Variants in MGAT5 observed in about 807,000 individuals in gnomAD.
The protein encoded by MGAT5 is alpha-1,6-mannosylglycoprotein 6-beta-N-acetylglucosaminyltransferase A.
A neutral mutation model predicts 94.3 loss-of-function variants in MGAT5; 30 were observed. That is an observed-to-expected ratio of 0.32 (90% CI 0.24 to 0.43). The LOEUF (loss-of-function observed/expected upper bound fraction) is 0.43. Ranked by LOEUF, MGAT5 falls within the 20% of genes least tolerant of loss-of-function variation. The pLI, the probability that MGAT5 is intolerant of heterozygous loss-of-function variation, is 1.00. For synonymous variants in MGAT5, 310 were observed against 322.9 expected, an observed-to-expected ratio of 0.96 and a Z score of 0.43; for missense variants, 691 against 905.5, an observed-to-expected ratio of 0.76 and a Z score of 3.04.
chr2:134,409,918 C>T (rs1427394193), intron 11 of MGAT5, among the ~76,000 whole-genome samples: 3 of 152,216 alleles, frequency 2.0e-5, no homozygotes, highest in Non-Finnish European at 2.9e-5. Context: ...CTAGATCCCA[C>T]AATCCCTCTG....
chr2:134,284,759 A>G (rs1684904333), intron 2 of MGAT5, among the ~76,000 whole-genome samples: 1 of 152,194 alleles, frequency 6.6e-6, no homozygotes, highest in South Asian at 2.1e-4. Flanking sequence ...TGGCAGTCTG[A>G]GCCAGGGTTC....
At position 134,448,836 on chromosome 2, in the gene MGAT5, G is replaced by A; in HGVS notation, c.2215G>A (p.Asp739Asn). The change falls in exon 16 of 16, where the codon GAC becomes AAC. Residue 739 changes from aspartate to asparagine, a missense_variant. Around this residue, in one of 4 missense-constraint regions of MGAT5, gnomAD observed 260 missense variants for 347.0 expected, o/e 0.75. Transcript: ENST00000281923. ...FIKGQVALCKDCL is the reference protein window; with the variant it reads ...FIKGQVALCKNCL ...CAAGGGCCAGGTGGCTCTCTGCAAAGACTGCCTATAGCAGCTACCTGCTCA... is the reference window on the plus strand; with the variant it reads ...CAAGGGCCAGGTGGCTCTCTGCAAAAACTGCCTATAGCAGCTACCTGCTCA... 1 of 1,613,322 alleles carries A rather than the reference G, an allele frequency of 6.2e-7. No individual in the cohort carries two copies. Among genetic ancestry groups the A allele is most frequent in the Non-Finnish European group, 8.5e-7 (1 of 1,179,946 alleles).
At chr2:134,293,975 C>T (rs1455102235) in intron 2 of MGAT5, among the ~76,000 whole-genome samples, 5 of 152,066 alleles carry the variant, frequency 3.3e-5, no homozygotes, top group Non-Finnish European at 5.9e-5. Context: ...GGTAACTTGC[C>T]CCCTTTGTTC....
chr2:134,305,986 A>C (rs1388806504), intron 2 of MGAT5, among the ~76,000 whole-genome samples: 1 of 152,178 alleles, frequency 6.6e-6, no homozygotes, highest in Non-Finnish European at 1.5e-5. Context: ...TTGTCTCAGT[A>C]TGTTAGCATT....
chr2:134,363,751 A>G (rs913317141), intron 10 of MGAT5, among the ~76,000 whole-genome samples: 1 of 152,234 alleles, frequency 6.6e-6, no homozygotes, highest in Admixed American at 6.5e-5. Flanking sequence ...TTGTTGCCTC[A>G]AGTAAAATGA....
At chr2:134,392,561 A>G (rs1553459888) in intron 10 of MGAT5, among the ~76,000 whole-genome samples, 1 of 152,186 alleles carries the variant, frequency 6.6e-6, no homozygotes, top group Non-Finnish European at 1.5e-5. Context: ...AGGGGAAGGA[A>G]GGAGCCCAAG....
chr2:134,147,009 T>A (rs1246780213), intron 1 of MGAT5, among the ~76,000 whole-genome samples: 2 of 152,202 alleles, frequency 1.3e-5, no homozygotes, highest in Admixed American at 6.5e-5. Flanking sequence ...AATATTTTAT[T>A]GTTTAGTTAA....
intron 1 of MGAT5, among the ~76,000 whole-genome samples, chr2:134,177,286 C>T (rs11884817): frequency 0.24 from 36,173 of 151,878 alleles, 5,956 homozygotes; most frequent in African/African-American, 0.45. Context: ...CTGTAGCAAC[C>T]CAGGCTTTAG....
chr2:134,441,803 C>T lies in MGAT5; in HGVS notation c.1915C>T (p.Gln639Ter), dbSNP rs1430570335. The T allele has an allele frequency of 6.2e-7, 1 of 1,613,978 alleles. No individual in the cohort carries two copies. Among genetic ancestry groups the T allele is most frequent in the Non-Finnish European group, 8.5e-7 (1 of 1,180,002 alleles). The change falls in exon 15 of 16, where the codon CAG becomes TAG. Residue 639 changes from glutamine (Q) to a stop codon, truncating the protein, a stop_gained. Coordinates refer to ENST00000281923, the MANE Select transcript of MGAT5 (RefSeq NM_002410.5). LOFTEE classifies it high-confidence loss of function. ...QVMWPPLSAL[Q>*]VKLAEPGQSC... ...GATGTGGCCACCCCTCAGCGCCCTA[C>T]AGGTCAAGCTTGCTGAGCCCGGGCA...
At chr2:134,232,547 A>G (rs1681423062) in intron 1 of MGAT5, among the ~76,000 whole-genome samples, 1 of 152,210 alleles carries the variant, frequency 6.6e-6, no homozygotes, top group African/African-American at 2.4e-5. Context: ...ATTTTGAAAT[A>G]ATTTCACAGG....
chr2:134,372,246 C>T (rs1680855404), intron 10 of MGAT5, among the ~76,000 whole-genome samples: 1 of 152,216 alleles, frequency 6.6e-6, no homozygotes, highest in South Asian at 2.1e-4. Context: ...CTTTGTTTTA[C>T]CTCGGTTGCA....
rs144573025 is a variant in MGAT5 at position 134,304,744 on chromosome 2, G to A, written c.407-12785G>A. 8.3e-4 allele frequency among the ~76,000 whole-genome samples: 127 copies of A among 152,238 alleles called. 6 individuals are homozygous for A. In the Middle Eastern group the frequency reaches 0.099, roughly 118 times the overall value. On this transcript the variant is annotated intron_variant, in intron 2 of 15. Transcript: ENST00000281923. ...TTCTAAGGAATTAAGTTGTAAGATA[G>A]CCTGATTTTTTGTTTTTTAACATGT... is the stretch of plus-strand genomic sequence containing the variant.
At chr2:134,207,624 G>C (rs1168523945) in intron 1 of MGAT5, among the ~76,000 whole-genome samples, 1 of 151,874 alleles carries the variant, frequency 6.6e-6, no homozygotes, top group Non-Finnish European at 1.5e-5. Flanking sequence ...GATACTGATC[G>C]TTTACTTCTG....
At chr2:134,202,843 C>CA (rs556100478) in intron 1 of MGAT5, among the ~76,000 whole-genome samples, 56 of 152,120 alleles carry the variant, frequency 3.7e-4, no homozygotes, top group South Asian at 2.7e-3. Context: ...AATTCTCCCC[C>CA]AAAAAATCAA....
chr2:134,282,018 T>C (rs1170838324), intron 2 of MGAT5, among the ~76,000 whole-genome samples: 1 of 152,228 alleles, frequency 6.6e-6, no homozygotes, highest in East Asian at 1.9e-4. Flanking sequence ...TCATCAGTGG[T>C]TCACAGAATC....
At chr2:134,267,595 T>C (rs1442496945) in intron 1 of MGAT5, among the ~76,000 whole-genome samples, 1 of 152,218 alleles carries the variant, frequency 6.6e-6, no homozygotes, top group Non-Finnish European at 1.5e-5. Flanking sequence ...TATTTACTGG[T>C]CACTGTAATT....
chr2:134,342,620 C>G (rs1292313158), intron 7 of MGAT5, among the ~76,000 whole-genome samples: 1 of 151,754 alleles, frequency 6.6e-6, no homozygotes, highest in African/African-American at 2.4e-5. Flanking sequence ...GGTGTGGTGG[C>G]CCATGCCTGT....
At chr2:134,149,327 A>T (rs17711730) in intron 1 of MGAT5, among the ~76,000 whole-genome samples, 27,849 of 152,090 alleles carry the variant, frequency 0.18, 2,620 homozygotes, top group South Asian at 0.23. Context: ...ATTATCCTCC[A>T]TGTGGATTCT....
intron 1 of MGAT5, among the ~76,000 whole-genome samples, chr2:134,239,812 G>A (rs1412183657): frequency 6.6e-6 from 1 of 151,904 alleles, no homozygotes; most frequent in African/African-American, 2.4e-5. Context: ...AATACAAGAA[G>A]ATAAAAATAC....
Sources: gnomAD v4.1 joint callset for allele counts (sites outside exome capture counted in the v4.1 genomes callset) on GRCh38, gnomAD v4.1.1 for gene constraint, gnomAD v4.1.1 regional missense constraint, MANE v1.5 for transcripts, NCBI Gene and HGNC (gene_info 2026-07-23, HGNC 2026-07-21) for gene names.